Variants in PDE3B observed in about 807,000 individuals in gnomAD.
The protein encoded by PDE3B is cGMP-inhibited 3',5'-cyclic phosphodiesterase 3B.
Under a neutral mutation model 116.8 loss-of-function variants are expected in PDE3B, and 66 were observed. That is an observed-to-expected ratio of 0.56 (90% CI 0.46 to 0.69). The LOEUF is 0.69. Ranked by LOEUF, PDE3B falls within the 30% of genes least tolerant of loss-of-function variation. PDE3B has a pLI of 0.00. For synonymous variants in PDE3B, 595 were observed against 533.6 expected (o/e 1.12, Z -1.59); for missense variants, 1,384 against 1,368.1 (o/e 1.01, Z -0.18).
chr11:14,649,404 T>G (rs1853501153), intron 1 of PDE3B, among the ~76,000 whole-genome samples: 1 of 152,220 alleles, frequency 6.6e-6, no homozygotes, highest in Non-Finnish European at 1.5e-5. Flanking sequence ...GAAAATAAAT[T>G]GAACTCCAGA....
chr11:14,761,558 A>C (rs1163085078), intron 1 of PDE3B, among the ~76,000 whole-genome samples: 13 of 152,152 alleles, frequency 8.5e-5, no homozygotes, highest in African/African-American at 3.1e-4. Flanking sequence ...CTGCATGTTT[A>C]AAGTTTATTG....
chr11:14,698,753 A>T (rs1024147672), intron 1 of PDE3B: 2 of 151,994 alleles, frequency 1.3e-5, no homozygotes, highest in African/African-American at 4.8e-5. Flanking sequence ...TTTGTGAAAT[A>T]GTCATCAAAA....
intron 1 of PDE3B, among the ~76,000 whole-genome samples, chr11:14,668,951 C>T: frequency 6.6e-6 from 1 of 152,106 alleles, no homozygotes; most frequent in East Asian, 1.9e-4. Context: ...CCTCCCTGCT[C>T]CTGGGGACCC....
At chr11:14,785,006 G>A (rs1858147006) in intron 2 of PDE3B, among the ~76,000 whole-genome samples, 1 of 152,050 alleles carries the variant, frequency 6.6e-6, no homozygotes, top group Non-Finnish European at 1.5e-5. Flanking sequence ...AATAATCAGA[G>A]AATTCAGATT....
At chr11:14,831,869 T>G in intron 9 of PDE3B, 92 bp downstream of exon 9, 2 of 768,552 alleles carry the variant, frequency 2.6e-6, no homozygotes, top group Non-Finnish European at 4.2e-6. Context: ...GTTTAAGCAC[T>G]AGTTCAACAA....
Position 14,844,010 on chromosome 11 carries a change from C to G in PDE3B, c.2504C>G (p.Ala835Gly), listed in dbSNP as rs1430861772. The G allele has an allele frequency of 6.2e-7, 1 of 1,613,420 alleles. No homozygotes were observed. The highest frequency in any genetic ancestry group is 1.1e-5 in the South Asian group (1 of 91,068). The change falls in exon 12 of 16, where the codon GCT becomes GGT. Residue 835 changes from alanine (A) to glycine (G), a missense_variant. Transcript: ENST00000282096. ...GGGAGGACAAATGCATTTCTAGTGG[C>G]TACAAATGCCCCTCAGGTAGGAAAT... ...HPGRTNAFLVATNAPQAVLYN... is the reference protein window; with the variant it reads ...HPGRTNAFLVGTNAPQAVLYN...
At chr11:14,696,701 A>C (rs1466834440) in intron 1 of PDE3B, among the ~76,000 whole-genome samples, 1 of 152,088 alleles carries the variant, frequency 6.6e-6, no homozygotes, top group Non-Finnish European at 1.5e-5. Flanking sequence ...TTTTATATAC[A>C]AAACTTTTGT....
At chr11:14,715,099 A>C (rs1249610935) in intron 1 of PDE3B, among the ~76,000 whole-genome samples, 1 of 152,184 alleles carries the variant, frequency 6.6e-6, no homozygotes, top group Non-Finnish European at 1.5e-5. Flanking sequence ...TGATCTATTA[A>C]AGGTACAATT....
chr11:14,644,253 C>T lies in PDE3B; in HGVS notation c.178C>T (p.Arg60Trp), dbSNP rs1298444410. Reference protein sequence around the residue: ...HLCRFCNVELRPPPASPQQPR... With the variant: ...HLCRFCNVELWPPPASPQQPR... ...CTGCCGCTTCTGCAACGTGGAGCTG[C>T]GGCCGCCGCCGGCCTCTCCCCAGCA... is the stretch of plus-strand genomic sequence containing the variant. The change falls in exon 1 of 16, where the codon CGG becomes TGG. Residue 60 changes from arginine (R) to tryptophan (W), a missense_variant. Physicochemically the swap from Arg to Trp is moderately radical, Grantham distance 101. Around this residue, in one of 2 missense-constraint regions of PDE3B, gnomAD observed 956 missense variants for 806.8 expected, o/e 1.18. Transcript: ENST00000282096. 1.9e-6 allele frequency: 3 copies of T among 1,565,846 alleles called. No homozygotes were observed. The highest frequency in any genetic ancestry group is 2.3e-5 in the South Asian group (2 of 86,834).
chr11:14,849,794 T>A (rs571581070), intron 12 of PDE3B, among the ~76,000 whole-genome samples: 1 of 152,042 alleles, frequency 6.6e-6, no homozygotes, highest in South Asian at 2.1e-4. Context: ...TGAGATACCA[T>A]CTCACACCAG....
intron 11 of PDE3B, among the ~76,000 whole-genome samples, chr11:14,835,368 C>T (rs957190638): frequency 6.6e-5 from 10 of 152,192 alleles, no homozygotes; most frequent in African/African-American, 2.4e-4. Context: ...TTCTTTCCCC[C>T]ATTCTTTTGT....
chr11:14,885,815 G>A, the PDE3B span: 1 of 1,613,334 alleles, frequency 6.2e-7, no homozygotes, highest in Non-Finnish European at 8.5e-7. Flanking sequence ...GGAAGGCATG[G>A]TCTGTCTGCA....
chr11:14,877,015 A>G (rs1848196942), downstream of PDE3B, among the ~76,000 whole-genome samples: 1 of 152,172 alleles, frequency 6.6e-6, no homozygotes, highest in Non-Finnish European at 1.5e-5. Flanking sequence ...GGTTAAATCC[A>G]TATTCTTAAT....
At chr11:14,779,359 A>T (rs192569978) in intron 2 of PDE3B, among the ~76,000 whole-genome samples, 134 of 152,332 alleles carry the variant, frequency 8.8e-4, no homozygotes, top group Middle Eastern at 6.8e-3. Context: ...TCCAAAACAC[A>T]TAATTGTCAG....
chr11:14,665,072 A>G (rs1452365050), intron 1 of PDE3B, among the ~76,000 whole-genome samples: 1 of 152,212 alleles, frequency 6.6e-6, no homozygotes, highest in Non-Finnish European at 1.5e-5. Context: ...ATCCAACATG[A>G]TCAAGTGGGC....
At chr11:14,857,152 T>C (rs1157285897) in intron 12 of PDE3B, among the ~76,000 whole-genome samples, 2 of 152,158 alleles carry the variant, frequency 1.3e-5, no homozygotes, top group African/African-American at 4.8e-5. Context: ...TGCCAAAGTA[T>C]TGATGTATTT....
intron 1 of PDE3B, among the ~76,000 whole-genome samples, chr11:14,677,984 G>A (rs1360415138): frequency 3.3e-5 from 5 of 152,100 alleles, no homozygotes; most frequent in Admixed American, 2.6e-4. Context: ...GAGTGAGTGC[G>A]GTGACACGAT....
the PDE3B span, chr11:14,885,979 GAAATCTACA>G: frequency 6.5e-7 from 1 of 1,535,360 alleles, no homozygotes; most frequent in Non-Finnish European, 9.0e-7. Context: ...TATAACCATG[GAAATCTACA>G]AGTGGTAAGT....
At chr11:14,759,486 G>C (rs953603170) in intron 1 of PDE3B, among the ~76,000 whole-genome samples, 2 of 150,754 alleles carry the variant, frequency 1.3e-5, no homozygotes, top group Admixed American at 6.6e-5. Flanking sequence ...TAGTAGTTCA[G>C]TTCTAAATTG....
Sources: allele counts gnomAD v4.1 joint callset (sites outside exome capture counted in the v4.1 genomes callset), GRCh38; gene constraint gnomAD v4.1.1; regional missense constraint gnomAD v4.1.1; transcripts MANE v1.5; gene names NCBI Gene and HGNC (gene_info 2026-07-23, HGNC 2026-07-21).